DOK5: variants seen among roughly 807,000 people sequenced by gnomAD.
DOK5 encodes the protein downstream of tyrosine kinase 5.
In DOK5, 27 loss-of-function variants were observed where a neutral mutation model predicts 43.3. That is an observed-to-expected ratio of 0.62 (90% CI 0.46 to 0.86). DOK5 has a LOEUF of 0.86. Among genes scored for constraint, DOK5 ranks in the 40% least tolerant of loss-of-function variants. The pLI is 0.00. For synonymous variants in DOK5, 146 were observed against 140.1 expected (o/e 1.04, Z -0.30); for missense variants, 373 against 392.9 (o/e 0.95, Z 0.43).
chr20:54,498,403 C>G (rs928506475), intron 1 of DOK5, among the ~76,000 whole-genome samples: 10 of 151,892 alleles, frequency 6.6e-5, no homozygotes, highest in Admixed American at 1.3e-4. Context: ...CTATGTTTAC[C>G]AAGGGAACAA....
chr20:54,604,593 A>G (rs1986406136), intron 5 of DOK5, among the ~76,000 whole-genome samples: 1 of 152,216 alleles, frequency 6.6e-6, no homozygotes, highest in African/African-American at 2.4e-5. Flanking sequence ...TTTGTCTCTG[A>G]TAGGTGTAAC....
intron 1 of DOK5, among the ~76,000 whole-genome samples, chr20:54,518,017 A>T (rs1433773388): frequency 6.6e-6 from 1 of 152,144 alleles, no homozygotes; most frequent in African/African-American, 2.4e-5. Flanking sequence ...CCTTACAGTT[A>T]TTAAGCCCTT....
intron 1 of DOK5, among the ~76,000 whole-genome samples, chr20:54,514,983 C>A (rs1456008297): frequency 6.6e-6 from 1 of 151,372 alleles, no homozygotes; most frequent in East Asian, 1.9e-4. Context: ...TTCTAAGGAC[C>A]TAACTTCAGG....
At chr20:54,547,810 T>C (rs923940573) in intron 1 of DOK5, among the ~76,000 whole-genome samples, 3 of 152,230 alleles carry the variant, frequency 2.0e-5, no homozygotes, top group Non-Finnish European at 4.4e-5. Context: ...TGTGATGTGC[T>C]TATCTGCTTA....
At chr20:54,613,869 C>T (rs1201566523) in intron 6 of DOK5, among the ~76,000 whole-genome samples, 8 of 152,014 alleles carry the variant, frequency 5.3e-5, no homozygotes, top group Admixed American at 4.6e-4. Flanking sequence ...TGGCTTGTGC[C>T]TGTCCTCCCA....
chr20:54,632,169 G>A (rs544670059), intron 6 of DOK5, among the ~76,000 whole-genome samples: 13 of 152,264 alleles, frequency 8.5e-5, no homozygotes, highest in Admixed American at 7.2e-4. Context: ...TCTTGTTCCT[G>A]CAATGGTTCC....
intron 6 of DOK5, among the ~76,000 whole-genome samples, chr20:54,627,641 G>C (rs780314905): frequency 1.4e-4 from 22 of 152,208 alleles, no homozygotes; most frequent in Non-Finnish European, 2.6e-4. Flanking sequence ...GACAGGGTAA[G>C]GGTACGGGAA....
At chr20:54,543,567 G>GTA (rs1568775546) in intron 1 of DOK5, among the ~76,000 whole-genome samples, 2 of 151,126 alleles carry the variant, frequency 1.3e-5, no homozygotes, top group East Asian at 3.9e-4. Flanking sequence ...GTGTGTGTGT[G>GTA]TGTATGTGTG....
At chr20:54,497,974 A>G (rs909039767) in intron 1 of DOK5, among the ~76,000 whole-genome samples, 2 of 152,196 alleles carry the variant, frequency 1.3e-5, no homozygotes, top group African/African-American at 2.4e-5. Context: ...TATTTAAGTT[A>G]AAATATTTTG....
intron 2 of DOK5, among the ~76,000 whole-genome samples, chr20:54,563,664 G>GTTTTTTT (rs76886127): frequency 3.5e-5 from 4 of 114,350 alleles, no homozygotes; most frequent in African/African-American, 6.8e-5. Context: ...TATTTGTCAG[G>GTTTTTTT]TTTTTTTTTT....
chr20:54,589,430 C>A (rs1203920150), intron 4 of DOK5, among the ~76,000 whole-genome samples: 1 of 152,038 alleles, frequency 6.6e-6, no homozygotes, highest in Non-Finnish European at 1.5e-5. Context: ...ACACTTGAGC[C>A]AACTCTGAGC....
intron 6 of DOK5, among the ~76,000 whole-genome samples, chr20:54,622,648 G>C (rs1208001046): frequency 6.6e-6 from 1 of 152,118 alleles, no homozygotes; most frequent in African/African-American, 2.4e-5. Context: ...TGAGATGGGG[G>C]CTCCGTCAGT....
rs371475578 is a variant in DOK5 at position 54,643,590 on chromosome 20, G to A, written c.856+12G>A. The stretch of plus-strand genomic sequence containing the variant: ...CTACCGCTTGCAAGGTAAGCGTGGG[G>A]CTACCTGTGTCCAGGGTGTGGGCCA... On this transcript the variant is annotated intron_variant, in intron 7 of 7. Coordinates refer to ENST00000262593, the MANE Select transcript of DOK5 (RefSeq NM_018431.5). 5.6e-5 allele frequency: 90 copies of A among 1,610,140 alleles called. No homozygotes were observed. Among genetic ancestry groups the A allele is most frequent in the Admixed American group, 1.7e-5 (1 of 59,840 alleles).
intron 2 of DOK5, among the ~76,000 whole-genome samples, chr20:54,568,679 C>T (rs1470825356): frequency 6.6e-6 from 1 of 151,932 alleles, no homozygotes; most frequent in South Asian, 2.1e-4. Context: ...GCCTGTAATC[C>T]CAGCACTTTT....
intron 6 of DOK5, among the ~76,000 whole-genome samples, chr20:54,622,408 T>C (rs1297311589): frequency 6.6e-6 from 1 of 152,130 alleles, no homozygotes; most frequent in Non-Finnish European, 1.5e-5. Context: ...TTCAGTCTCT[T>C]ATAACAACGT....
chr20:54,509,329 T>C (rs746740673), intron 1 of DOK5, among the ~76,000 whole-genome samples: 1 of 152,194 alleles, frequency 6.6e-6, no homozygotes, highest in Non-Finnish European at 1.5e-5. Context: ...TAGATGGGAC[T>C]ACAGTCGTGC....
At chr20:54,607,320 C>T (rs1199135319) in intron 5 of DOK5, among the ~76,000 whole-genome samples, 1 of 152,020 alleles carries the variant, frequency 6.6e-6, no homozygotes, top group African/African-American at 2.4e-5. Flanking sequence ...TGAGTTTGAG[C>T]ACCTTTATGC....
At chr20:54,593,370 T>C (rs931310913) in intron 5 of DOK5, among the ~76,000 whole-genome samples, 2 of 152,244 alleles carry the variant, frequency 1.3e-5, no homozygotes, top group Non-Finnish European at 2.9e-5. Context: ...AGTTTTTTAC[T>C]TTATACTTTT....
intron 5 of DOK5, among the ~76,000 whole-genome samples, chr20:54,604,775 T>C (rs774670627): frequency 2.0e-5 from 3 of 151,924 alleles, no homozygotes; most frequent in Non-Finnish European, 4.4e-5. Flanking sequence ...CTGAGGTGGA[T>C]GGATCACCCG....
Sources: gnomAD v4.1 joint callset for allele counts (sites outside exome capture counted in the v4.1 genomes callset) on GRCh38, gnomAD v4.1.1 for gene constraint, MANE v1.5 for transcripts, NCBI Gene and HGNC (gene_info 2026-07-23, HGNC 2026-07-21) for gene names.